The following SEMA4D variants were observed in gnomAD, a reference collection of about 807,000 sequenced individuals.
The protein encoded by SEMA4D is semaphorin-4D.
In SEMA4D, 22 loss-of-function variants were observed where a neutral mutation model predicts 74.8. The observed-to-expected ratio is 0.29, with a 90% confidence interval of 0.21 to 0.42. The LOEUF is 0.42. Among genes scored for constraint, SEMA4D ranks in the 10% least tolerant of loss-of-function variants. The pLI, the probability that SEMA4D is intolerant of heterozygous loss-of-function variation, is 1.00. For missense variants in SEMA4D, 937 were observed against 1,118.4 expected, an observed-to-expected ratio of 0.84 and a Z score of 2.31; for synonymous variants, 445 against 463.7, an observed-to-expected ratio of 0.96 and a Z score of 0.52.
At chr9:89,478,354 GCAATGTGTCA>G (rs1232798581) in intron 1 of SEMA4D, among the ~76,000 whole-genome samples, 2 of 152,180 alleles carry the variant, frequency 1.3e-5, no homozygotes, top group Non-Finnish European at 2.9e-5. Context: ...AGAGACTGGA[GCAATGTGTCA>G]CAAGCCAAGG....
At chr9:89,469,144 T>C (rs976793377) in intron 1 of SEMA4D, among the ~76,000 whole-genome samples, 2 of 150,760 alleles carry the variant, frequency 1.3e-5, no homozygotes, top group African/African-American at 4.9e-5. Flanking sequence ...AAAAGGAACA[T>C]GGCAAACAAC....
rs1277306533 is a variant in SEMA4D, at chr9:89,450,066, T to C, written c.-244+5822A>G. The C allele has an allele frequency of 7.6e-6, 10 of 1,318,592 alleles. No homozygotes were observed. In the Admixed American group the frequency reaches 1.7e-4, roughly 22 times the overall value. The allele number at this position is 1,318,592 out of a possible 1,614,324, so 81.7% of individuals were successfully genotyped here. On this transcript the variant is annotated intron_variant, in intron 2 of 15. Transcript: ENST00000422704. ...TCAGAACACACAAGTGACAGAAGCC[T>C]GGAACAAAGTTGCCCACTTATTTAA... is the stretch of plus-strand genomic sequence containing the variant.
intron 2 of SEMA4D, chr9:89,418,166 A>G (rs985198544): frequency 4.8e-5 from 44 of 912,856 alleles, no homozygotes; most frequent in Admixed American, 1.2e-4. Flanking sequence ...TAAACTGTGC[A>G]TCCACTTAAA....
intron 18 of SEMA4D, chr9:89,363,335 A>G (rs1327823720): frequency 1.3e-6 from 2 of 1,552,802 alleles, no homozygotes; most frequent in Non-Finnish European, 1.7e-6. Context: ...AGTGGGGTCC[A>G]TGCTGAATGG....
intron 1 of SEMA4D, among the ~76,000 whole-genome samples, chr9:89,496,514 T>TG (rs1176290778): frequency 6.6e-6 from 1 of 152,178 alleles, no homozygotes; most frequent in Admixed American, 6.5e-5. Context: ...TCTGGCCTTA[T>TG]GGGAGGGCAG....
rs1435421177 is a variant in SEMA4D, at chr9:89,381,376, A to G, written c.1447-30T>C. The G allele has an allele frequency of 6.9e-7, 1 of 1,451,128 alleles. No homozygotes were observed. The allele number at this position is 1,451,128 out of a possible 1,614,324, so 89.9% of individuals were successfully genotyped here. On this transcript the variant is annotated intron_variant, in intron 13 of 15. Coordinates refer to ENST00000422704, the MANE Select transcript of SEMA4D (RefSeq NM_001371194.2). This position sits in a 1 kb window ranked among gnomAD's most constrained non-coding sequence, Gnocchi z 4.6. ...GTGTATGAGACAGAGAAGAACTAGC[A>G]TCAGGCAAGCAGGCATCCAGGAGCA...
At chr9:89,367,474 G>C (rs1303406737) in intron 16 of SEMA4D, 3 of 152,342 alleles carry the variant, frequency 2.0e-5, no homozygotes, top group African/African-American at 7.2e-5. Flanking sequence ...CCTCTGTGGG[G>C]TGGGGACAAG....
chr9:89,445,139 G>A (rs1272491348), intron 2 of SEMA4D, among the ~76,000 whole-genome samples: 2 of 152,168 alleles, frequency 1.3e-5, no homozygotes, highest in African/African-American at 4.8e-5. Context: ...AGAAGGTGCT[G>A]GAACAGGGAG....
intron 1 of SEMA4D, among the ~76,000 whole-genome samples, chr9:89,483,614 A>G (rs1407431623): frequency 6.6e-6 from 1 of 152,190 alleles, no homozygotes. Flanking sequence ...GTAGTTCTCA[A>G]TCTGGGGGTT....
intron 12 of SEMA4D, 172 bp downstream of exon 12, chr9:89,387,214 C>T (rs1564569609): frequency 1.4e-5 from 8 of 590,046 alleles, no homozygotes; most frequent in Non-Finnish European, 2.1e-5. Flanking sequence ...ATCTGAAAGC[C>T]ACCTGGTGTG....
chr9:89,485,548 G>A (rs1471887974), intron 1 of SEMA4D, among the ~76,000 whole-genome samples: 2 of 152,098 alleles, frequency 1.3e-5, no homozygotes, highest in African/African-American at 4.8e-5. Flanking sequence ...TAGCACTTTG[G>A]GAGGCCAAGA....
chr9:89,360,912 TTTG>T (rs1447069827), exon 19 of SEMA4D: 1 of 152,208 alleles, frequency 6.6e-6, no homozygotes, highest in Non-Finnish European at 1.5e-5. Context: ...ATGTAATTAT[TTTG>T]TTAAGTGTGA....
At chr9:89,412,860 A>G (rs1844832564) in intron 2 of SEMA4D, among the ~76,000 whole-genome samples, 1 of 151,934 alleles carries the variant, frequency 6.6e-6, no homozygotes, top group Admixed American at 6.6e-5. Context: ...ACAAGAATGC[A>G]TTGTTTCATA....
At chr9:89,475,551 C>A (rs1463727832) in intron 1 of SEMA4D, among the ~76,000 whole-genome samples, 1 of 152,196 alleles carries the variant, frequency 6.6e-6, no homozygotes, top group African/African-American at 2.4e-5. Flanking sequence ...AACACTGCAC[C>A]TGATGGAAAA....
At chr9:89,419,466 A>T (rs1316213763) in intron 2 of SEMA4D, among the ~76,000 whole-genome samples, 1 of 152,148 alleles carries the variant, frequency 6.6e-6, no homozygotes, top group Non-Finnish European at 1.5e-5. Context: ...GTGCCACATC[A>T]CTTGTTTCCA....
intron 2 of SEMA4D, among the ~76,000 whole-genome samples, chr9:89,438,149 G>A (rs922091388): frequency 1.3e-5 from 2 of 152,220 alleles, no homozygotes; most frequent in Non-Finnish European, 2.9e-5. Context: ...AAGCAACAAA[G>A]GTGCACTGTA....
At chr9:89,391,187 G>T in intron 9 of SEMA4D, 77 bp downstream of exon 9, 2 of 1,439,178 alleles carry the variant, frequency 1.4e-6, no homozygotes, top group Non-Finnish European at 1.9e-6. Context: ...TTGAGACGAA[G>T]GTCAGGAGCC....
intron 16 of SEMA4D, chr9:89,368,408 T>G (rs1834020050): frequency 6.5e-6 from 1 of 152,996 alleles, no homozygotes. Flanking sequence ...ATCCCACTGC[T>G]TCCCTGGCCC....
In SEMA4D at chr9:89,494,506, A is replaced by C. The variant is rs182654674; in HGVS notation, c.-310+3413T>G. Reference sequence around the variant, plus strand: ...TGAGCGCCTGCACTTGTGCATGGAGAGGGCACATTCTCTATAGTCTACACT... The same window carrying C: ...TGAGCGCCTGCACTTGTGCATGGAGCGGGCACATTCTCTATAGTCTACACT... On this transcript the variant is annotated intron_variant, in intron 1 of 15. Transcript: ENST00000422704. 3.0e-3 allele frequency among the ~76,000 whole-genome samples: 456 copies of C among 152,330 alleles called. 3 individuals carry two copies. Among genetic ancestry groups the C allele is most frequent in the African/African-American group, 0.01 (431 of 41,570 alleles).
Sources: allele counts gnomAD v4.1 joint callset (sites outside exome capture counted in the v4.1 genomes callset), GRCh38; gene constraint gnomAD v4.1.1; non-coding constraint Gnocchi (gnomAD v3.1); transcripts MANE v1.5; gene names NCBI Gene and HGNC (gene_info 2026-07-23, HGNC 2026-07-21).